The following SLC40A1 variants were observed in gnomAD, a reference collection of about 807,000 sequenced individuals.
SLC40A1 encodes the protein solute carrier family 40 member 1.
SLC40A1 carries 16 observed loss-of-function variants against 53.5 expected under a neutral mutation model. The ratio of observed to expected loss-of-function variants is 0.30; its 90% CI spans 0.20 to 0.45. The LOEUF is 0.45. Ranked by LOEUF, SLC40A1 falls within the 20% of genes least tolerant of loss-of-function variation. The probability of loss-of-function intolerance (pLI) is 1.00; values close to 1 mark genes in which losing one functional copy is unlikely to be tolerated. For synonymous variants in SLC40A1, 247 were observed against 253.2 expected, an observed-to-expected ratio of 0.98 and a Z score of 0.23; for missense variants, 545 against 695.4, an observed-to-expected ratio of 0.78 and a Z score of 2.43.
Position 189,564,203 on chromosome 2 carries a change from C to T in SLC40A1, c.783G>A (p.Glu261=). The change falls in exon 7 of 8, where the codon GAG becomes GAA. Residue 261 remains glutamate (E), a synonymous_variant. Coordinates refer to ENST00000261024, the MANE Select transcript of SLC40A1 (RefSeq NM_014585.6). The part of the protein sequence containing the change: ...LHKDTEPKPL[E]GTHLMGVKDS... ...CTTTCACACCCATTAGATGAGTTCC[C>T]TCCAGGGGTTTTGGCTCAGTATCTG... 1 of 1,614,064 alleles carries T rather than the reference C, an allele frequency of 6.2e-7. No individual in the cohort carries two copies. The highest frequency in any genetic ancestry group is 8.5e-7 in the Non-Finnish European group (1 of 1,179,978).
chr2:189,571,633 A>G, intron 5 of SLC40A1, 82 bp downstream of exon 5: 1 of 1,558,448 alleles, frequency 6.4e-7, no homozygotes, highest in Non-Finnish European at 8.7e-7. Flanking sequence ...ACAAAAATAC[A>G]AGGCTTACAG....
intron 5 of SLC40A1, among the ~76,000 whole-genome samples, chr2:189,569,106 A>G (rs1327312014): frequency 6.6e-6 from 1 of 152,238 alleles, no homozygotes; most frequent in Admixed American, 6.5e-5. Flanking sequence ...TGACTGCTGT[A>G]TTTTGGCCTG....
chr2:189,564,900 T>C (rs2105621379), intron 6 of SLC40A1, among the ~76,000 whole-genome samples: 1 of 152,274 alleles, frequency 6.6e-6, no homozygotes, highest in East Asian at 1.9e-4. Context: ...GGATAAAAGA[T>C]TCTGTTTACC....
intron 5 of SLC40A1, among the ~76,000 whole-genome samples, chr2:189,570,593 T>C (rs1200192500): frequency 6.6e-6 from 1 of 152,174 alleles, no homozygotes; most frequent in Non-Finnish European, 1.5e-5. Context: ...CATGCTAAAT[T>C]CATCTTACAT....
chr2:189,573,572 C>A (rs1385523997), intron 3 of SLC40A1, among the ~76,000 whole-genome samples: 1 of 152,178 alleles, frequency 6.6e-6, no homozygotes, highest in Non-Finnish European at 1.5e-5. Flanking sequence ...GGAGTAAGGA[C>A]AGATAAAGAC....
At position 189,580,475 on chromosome 2, in the gene SLC40A1, C is replaced by T. The variant is rs2105637255; in HGVS notation, c.-15G>A. The T allele has an allele frequency of 6.2e-7, 1 of 1,613,358 alleles. No individual in the cohort carries two copies. Among genetic ancestry groups the T allele is most frequent in the Non-Finnish European group, 8.5e-7 (1 of 1,180,038 alleles). On this transcript the variant is annotated 5_prime_UTR_variant, in exon 1 of 8. Transcript: ENST00000261024. The stretch of plus-strand genomic sequence containing the variant: ...GCCCTGGTCATGACACTAGGCGACC[C>T]CGCTGGCTCTTCTGCGGCTGCTATC...
intron 3 of SLC40A1, among the ~76,000 whole-genome samples, chr2:189,573,705 C>T (rs1348392449): frequency 1.3e-5 from 2 of 152,178 alleles, no homozygotes; most frequent in Admixed American, 6.5e-5. Context: ...TTTATAGGGT[C>T]ATAATGATGC....
chr2:189,573,103 C>T, intron 3 of SLC40A1, 142 bp from the exon 4 acceptor site: 3 of 718,468 alleles, frequency 4.2e-6, no homozygotes, highest in Non-Finnish European at 7.6e-6. Context: ...TTTCTGAAGT[C>T]AGTCCTGCCT....
At chr2:189,578,340 C>T (rs1347868500) in intron 2 of SLC40A1, 1 of 1,002,364 alleles carries the variant, frequency 1.0e-6, no homozygotes, top group African/African-American at 1.7e-5. Context: ...TGAGAACTTC[C>T]TTTGCTTGAC....
Position 189,562,925 on chromosome 2 carries a change from T to C in SLC40A1, c.1402+659A>G, listed in dbSNP as rs147503089. Among the ~76,000 whole-genome samples the C allele has an allele frequency of 1.8e-3, 281 of 152,236 alleles. 1 individual carries two copies. Among genetic ancestry groups the C allele is most frequent in the African/African-American group, 6.4e-3 (266 of 41,536 alleles). On this transcript the variant is annotated intron_variant, in intron 7 of 7. Transcript: ENST00000261024. ...CAAAAACATTACCTTTTTAGTGTTG[T>C]CCTATGGGAATATTTTCTAAACTAC...
chr2:189,570,518 G>C (rs1475456267), intron 5 of SLC40A1, among the ~76,000 whole-genome samples: 1 of 152,112 alleles, frequency 6.6e-6, no homozygotes, highest in Non-Finnish European at 1.5e-5. Flanking sequence ...ATGATCACAG[G>C]AAGAAAAGTA....
intron 3 of SLC40A1, among the ~76,000 whole-genome samples, chr2:189,574,589 C>T (rs563287687): frequency 6.6e-6 from 1 of 152,144 alleles, no homozygotes; most frequent in Non-Finnish European, 1.5e-5. Context: ...ACTTTCTTTC[C>T]TGTATAAAAT....
intron 2 of SLC40A1, among the ~76,000 whole-genome samples, chr2:189,577,111 A>C (rs571976466): frequency 6.6e-6 from 1 of 152,268 alleles, no homozygotes; most frequent in African/African-American, 2.4e-5. Context: ...CCTTCCCACC[A>C]ATTCTCACTA....
In SLC40A1 at chr2:189,565,425, G is replaced by T. The variant is rs753603407; in HGVS notation, c.689C>A (p.Thr230Asn). The change falls in exon 6 of 8, where the codon ACC becomes AAC. Residue 230 changes from threonine (T) to asparagine (N), a missense_variant. This residue lies in a region of SLC40A1 where 107 missense variants were observed against 91.0 expected (regional missense o/e 1.18). Transcript: ENST00000261024. The stretch of plus-strand genomic sequence containing the variant: ...ACCAGCTTTCACAGCTAGAGCTGGG[G>T]TTTTCTGGTAAACCTTCCAGAGCAG... Reference protein sequence around the residue: ...YVLLWKVYQKTPALAVKAGLK... With the variant: ...YVLLWKVYQKNPALAVKAGLK... 8.1e-6 allele frequency: 13 copies of T among 1,614,106 alleles called. No homozygotes were observed. The East Asian group carries it at 2.9e-4, about 36-fold the overall frequency.
At chr2:189,570,743 C>CT (rs35182808) in intron 5 of SLC40A1, among the ~76,000 whole-genome samples, 9 of 151,612 alleles carry the variant, frequency 5.9e-5, no homozygotes, top group South Asian at 4.2e-4. Flanking sequence ...TCCTTTCTAA[C>CT]TTTTTTTTTA....
chr2:189,575,588 T>C (rs1200651919), intron 2 of SLC40A1, among the ~76,000 whole-genome samples: 3 of 152,198 alleles, frequency 2.0e-5, no homozygotes, highest in Non-Finnish European at 4.4e-5. Context: ...AGAAACAAAA[T>C]GCAGTTTCCA....
At position 189,562,112 on chromosome 2, in the gene SLC40A1, A is replaced by G. The variant is rs766600643; in HGVS notation, c.1482T>C (p.Gly494=). The change falls in exon 8 of 8, where the codon GGT becomes GGC. Residue 494 remains glycine (G), a synonymous_variant. Coordinates refer to ENST00000261024, the MANE Select transcript of SLC40A1 (RefSeq NM_014585.6). ...VIESERGIIN[G]VQNSMNYLLD... Reference sequence around the variant, plus strand: ...GAAGATAGTTCATGGAGTTCTGTACACCATTTATAATGCCTCTTTCAGATT... The same window carrying G: ...GAAGATAGTTCATGGAGTTCTGTACGCCATTTATAATGCCTCTTTCAGATT... 6.2e-7 allele frequency: 1 copy of G among 1,613,534 alleles called. No individual in the cohort carries two copies. The highest frequency in any genetic ancestry group is 8.5e-7 in the Non-Finnish European group (1 of 1,179,460).
intron 4 of SLC40A1, 49 bp downstream of exon 4, chr2:189,572,797 C>T (rs1474086293): frequency 7.6e-7 from 1 of 1,313,924 alleles, no homozygotes; most frequent in Non-Finnish European, 1.1e-6. Flanking sequence ...TCCTTTACCA[C>T]TACCAGATAT....
At chr2:189,571,625 A>G in intron 5 of SLC40A1, 90 bp downstream of exon 5, 4 of 1,548,394 alleles carry the variant, frequency 2.6e-6, no homozygotes, top group Non-Finnish European at 3.5e-6. Context: ...TACCCAGAAC[A>G]AAAATACAAG....
Sources: allele counts gnomAD v4.1 joint callset (sites outside exome capture counted in the v4.1 genomes callset), GRCh38; gene constraint gnomAD v4.1.1; regional missense constraint gnomAD v4.1.1; transcripts MANE v1.5; gene names NCBI Gene and HGNC (gene_info 2026-07-23, HGNC 2026-07-21).